CNR2: variants seen among roughly 807,000 people sequenced by gnomAD.
CNR2 encodes cannabinoid receptor 2 (macrophage).
For missense variants in CNR2, 379 were observed against 439.9 expected (o/e 0.86, Z 1.24); for synonymous variants, 172 against 182.2 (o/e 0.94, Z 0.45).
chr1:23,895,113 T>C (rs1472951093), intron 1 of CNR2, among the ~76,000 whole-genome samples: 2 of 151,884 alleles, frequency 1.3e-5, no homozygotes, highest in African/African-American at 4.8e-5. Context: ...TCCCAGCTAC[T>C]TGGAGGCTGA....
At chr1:23,890,957 C>T (rs1380821274) in intron 1 of CNR2, among the ~76,000 whole-genome samples, 2 of 149,934 alleles carry the variant, frequency 1.3e-5, no homozygotes, top group Non-Finnish European at 3.0e-5. Context: ...CAGCTCACTG[C>T]AACCTCAACT....
chr1:23,875,327 G>A lies in CNR2; in HGVS notation c.291C>T (p.Phe97=), dbSNP rs144279977. The A allele has an allele frequency of 1.9e-5, 30 of 1,614,094 alleles. No individual in the cohort carries two copies. The African/African-American group carries it at 3.6e-4, about 19-fold the overall frequency. ...FACSFVNFHV[F]HGVDSKAVFL... is the part of the protein sequence containing the mutation. ...AGACAGCCTTGGAATCCACACCATG[G>A]AAAACATGGAAATTCACAAAGCTGC... The change falls in exon 2 of 2, where the codon TTC becomes TTT. Residue 97 remains phenylalanine, a synonymous_variant. Transcript: ENST00000374472.
intron 1 of CNR2, among the ~76,000 whole-genome samples, chr1:23,890,371 A>C (rs2502959): frequency 0.85 from 128,466 of 151,812 alleles, 54,462 homozygotes; most frequent in Admixed American, 0.86. Flanking sequence ...ATCCCTACTT[A>C]CTCTCAGCTG....
chr1:23,883,718 G>A (rs538397583), intron 1 of CNR2, among the ~76,000 whole-genome samples: 13 of 152,042 alleles, frequency 8.6e-5, no homozygotes, highest in Non-Finnish European at 1.8e-4. Flanking sequence ...CCACCTACTT[G>A]GGAGGCTGAG....
intron 1 of CNR2, among the ~76,000 whole-genome samples, chr1:23,876,344 C>T (rs1011903667): frequency 6.6e-6 from 1 of 151,538 alleles, no homozygotes; most frequent in African/African-American, 2.4e-5. Context: ...GTAGCTGGGA[C>T]TACAGGCACC....
intron 1 of CNR2, among the ~76,000 whole-genome samples, chr1:23,912,166 T>C (rs1640597681): frequency 1.3e-5 from 2 of 152,094 alleles, no homozygotes; most frequent in Non-Finnish European, 2.9e-5. Context: ...AGGAAAGAAA[T>C]GGAGTGATTT....
intron 1 of CNR2, among the ~76,000 whole-genome samples, chr1:23,905,845 T>C (rs1003307090): frequency 6.6e-6 from 1 of 152,164 alleles, no homozygotes; most frequent in East Asian, 1.9e-4. Context: ...TGGCTTTTGG[T>C]CCCTGGGACC....
At chr1:23,889,498 TA>T (rs35393705) in intron 1 of CNR2, among the ~76,000 whole-genome samples, 2 of 152,026 alleles carry the variant, frequency 1.3e-5, no homozygotes, top group South Asian at 4.2e-4. Context: ...TGATTTCTAT[TA>T]AAAAAATATA....
chr1:23,912,032 T>G (rs1640595520), intron 1 of CNR2, among the ~76,000 whole-genome samples: 1 of 152,090 alleles, frequency 6.6e-6, no homozygotes, highest in Admixed American at 6.6e-5. Flanking sequence ...GATCAAACTC[T>G]CCACCACAGC....
chr1:23,901,411 G>T, intron 1 of CNR2: 1 of 1,405,646 alleles, frequency 7.1e-7, no homozygotes, highest in Non-Finnish European at 9.6e-7. Flanking sequence ...TCAAGAAGCA[G>T]TTAGTGTCCT....
intron 1 of CNR2, among the ~76,000 whole-genome samples, chr1:23,880,195 T>TTTTTTTTG (rs59735146): frequency 1.3e-5 from 2 of 150,782 alleles, no homozygotes; most frequent in African/African-American, 4.9e-5. Context: ...CTTTTTTTTT[T>TTTTTTTTG]GAGACGGAGT....
At chr1:23,883,351 G>T (rs1319594519) in intron 1 of CNR2, among the ~76,000 whole-genome samples, 2 of 152,210 alleles carry the variant, frequency 1.3e-5, no homozygotes, top group African/African-American at 4.8e-5. Context: ...AATACGTTCT[G>T]GAGGAACTCC....
intron 1 of CNR2, among the ~76,000 whole-genome samples, chr1:23,877,495 C>A (rs944431806): frequency 6.6e-6 from 1 of 151,812 alleles, no homozygotes; most frequent in Non-Finnish European, 1.5e-5. Context: ...ATTAGCTGGG[C>A]ATGGTGGCAG....
At chr1:23,901,644 A>C (rs1640400664) in intron 1 of CNR2, 1 of 1,526,734 alleles carries the variant, frequency 6.5e-7, no homozygotes, top group East Asian at 2.3e-5. Context: ...GCCATGTAGA[A>C]GGTGTCTTGT....
In CNR2 at chr1:23,874,600, T is replaced by A. The variant is rs1285005660; in HGVS notation, c.1018A>T (p.Thr340Ser). The A allele has an allele frequency of 6.2e-7, 1 of 1,614,010 alleles. No homozygotes were observed. Among genetic ancestry groups the A allele is most frequent in the African/African-American group, 1.3e-5 (1 of 74,922 alleles). ...GGAGTGATTTTCCCATCAGCCTCTGTCTCGGTGACTGAGGATCTCGGGGCT... is the reference window on the plus strand; with the variant it reads ...GGAGTGATTTTCCCATCAGCCTCTGACTCGGTGACTGAGGATCTCGGGGCT... ...EEAPRSSVTE[T>S]EADGKITPWP... Residue 340 changes from threonine (T) to serine (S), a missense_variant, in exon 2 of 2, where the codon ACA (threonine) becomes TCA (serine). Thr to Ser is a moderately conservative substitution (Grantham distance 58). Transcript: ENST00000374472.
At position 23,897,471 on chromosome 1, in the gene CNR2, T is replaced by C. The variant is rs551711524; in HGVS notation, c.-46+15775A>G. On this transcript the variant is annotated intron_variant, in intron 1 of 1. Transcript: ENST00000374472. ...AAAAAAAATTAATAATCCTATTGCATGTTAATAGAATTTTTTTTTTTGAGA... is the reference window on the plus strand; with the variant it reads ...AAAAAAAATTAATAATCCTATTGCACGTTAATAGAATTTTTTTTTTTGAGA... Among the ~76,000 whole-genome samples the C allele has an allele frequency of 9.7e-5, 12 of 123,506 alleles. No individual in the cohort carries two copies. The Middle Eastern group carries it at 0.011, about 118-fold the overall frequency. 81.0% of individuals were successfully genotyped at this position (123,506 alleles called of 152,430 possible). A position where few individuals can be genotyped will look rare whatever the true frequency, so the allele number is the denominator to read the frequency against.
intron 1 of CNR2, chr1:23,902,735 G>C (rs1570720819): frequency 1.9e-6 from 3 of 1,555,068 alleles, no homozygotes; most frequent in Non-Finnish European, 2.6e-6. Flanking sequence ...CGCGCAGCGT[G>C]GGGGACCGCG....
chr1:23,896,174 T>C (rs971879286), intron 1 of CNR2, among the ~76,000 whole-genome samples: 2 of 152,140 alleles, frequency 1.3e-5, no homozygotes, highest in Non-Finnish European at 2.9e-5. Context: ...TGCCAGGCCC[T>C]AGACTTTAGT....
chr1:23,883,756 C>T (rs1292137157), intron 1 of CNR2, among the ~76,000 whole-genome samples: 4 of 151,938 alleles, frequency 2.6e-5, no homozygotes, highest in African/African-American at 7.3e-5. Flanking sequence ...ACCCGGGAGG[C>T]GGAGGTTGCA....
Sources: allele counts gnomAD v4.1 joint callset (sites outside exome capture counted in the v4.1 genomes callset), GRCh38; gene constraint gnomAD v4.1.1; transcripts MANE v1.5; gene names NCBI Gene and HGNC (gene_info 2026-07-23, HGNC 2026-07-21).